AKR1E2: variants seen among roughly 807,000 people sequenced by gnomAD.
AKR1E2 encodes 1,5-anhydro-D-fructose reductase.
In AKR1E2, 43 loss-of-function variants were observed where a neutral mutation model predicts 41.9. The ratio of observed to expected loss-of-function variants is 1.03; its 90% confidence interval spans 0.80 to 1.32. The LOEUF (loss-of-function observed/expected upper bound fraction) is 1.32, where lower values mean the gene tolerates loss of function less well. Among genes scored for constraint, AKR1E2 ranks in the 40% most tolerant of loss-of-function variants. The pLI, the probability that AKR1E2 is intolerant of heterozygous loss-of-function variation, is 0.00. For missense variants in AKR1E2, 423 were observed against 396.5 expected, an observed-to-expected ratio of 1.07 and a Z score of -0.57; for synonymous variants, 121 against 138.9, an observed-to-expected ratio of 0.87 and a Z score of 0.91.
chr10:4,853,194 G>A, the AKR1E2 span, among the ~76,000 whole-genome samples: 1 of 152,068 alleles, frequency 6.6e-6, no homozygotes, highest in Non-Finnish European at 1.5e-5. Context: ...TACAAGATTG[G>A]CGTTGTTTTA....
chr10:4,829,533 C>G (rs1564253699), intron 1 of AKR1E2, among the ~76,000 whole-genome samples: 1 of 151,986 alleles, frequency 6.6e-6, no homozygotes, highest in African/African-American at 2.4e-5. Flanking sequence ...GTTTGAAAGT[C>G]TGTGTTAAAC....
the AKR1E2 span, among the ~76,000 whole-genome samples, chr10:4,860,457 C>T: frequency 3.9e-5 from 6 of 152,192 alleles, no homozygotes; most frequent in Admixed American, 2.0e-4. Flanking sequence ...TCTGAGGAAC[C>T]TTTATGACCA....
At chr10:4,863,982 C>CA in the AKR1E2 span, among the ~76,000 whole-genome samples, 81 of 151,892 alleles carry the variant, frequency 5.3e-4, no homozygotes, top group African/African-American at 1.9e-3. Context: ...GCTTACCAAC[C>CA]AAAAAAAGCC....
upstream of AKR1E2, chr10:4,824,993 G>A (rs1355478798): frequency 4.4e-6 from 2 of 455,582 alleles, no homozygotes; most frequent in Non-Finnish European, 4.4e-6. Context: ...GGCCCATGCA[G>A]GTCATTTTCA....
chr10:4,846,011 C>T (rs1588487464), intron 8 of AKR1E2: 1 of 388,496 alleles, frequency 2.6e-6, no homozygotes. Context: ...CCGGCCCGCC[C>T]CCTGTGGCCC....
At chr10:4,836,866 C>T (rs1415337934) in intron 4 of AKR1E2, among the ~76,000 whole-genome samples, 2 of 152,214 alleles carry the variant, frequency 1.3e-5, no homozygotes, top group African/African-American at 4.8e-5. Flanking sequence ...CTGCTGACTA[C>T]GGACCCTGGC....
chr10:4,837,378 AC>A (rs1181190135), intron 4 of AKR1E2, 80 bp from the exon 5 acceptor site: 1 of 1,520,992 alleles, frequency 6.6e-7, no homozygotes, highest in African/African-American at 1.4e-5. Context: ...GTTTTAGAAT[AC>A]CATACAGAAC....
At chr10:4,851,575 A>G (rs780766739), downstream of AKR1E2, among the ~76,000 whole-genome samples, 1 of 152,116 alleles carries the variant, frequency 6.6e-6, no homozygotes, top group South Asian at 2.1e-4. Flanking sequence ...TCCAACACCA[A>G]TCCCTCCCTA....
At chr10:4,843,990 G>T (rs1427853036) in intron 8 of AKR1E2, among the ~76,000 whole-genome samples, 2 of 152,214 alleles carry the variant, frequency 1.3e-5, no homozygotes, top group Admixed American at 6.5e-5. Context: ...CAGGTCTCTT[G>T]TAGTGGTTAG....
intron 8 of AKR1E2, chr10:4,845,739 A>G (rs1256990131): frequency 4.2e-6 from 2 of 470,940 alleles, no homozygotes; most frequent in Admixed American, 4.7e-5. Flanking sequence ...TGACACGGGG[A>G]CCTTGGGCCC....
chr10:4,829,328 A>G (rs1832785447), intron 1 of AKR1E2, among the ~76,000 whole-genome samples: 1 of 152,230 alleles, frequency 6.6e-6, no homozygotes, highest in Admixed American at 6.5e-5. Context: ...TATCTGAGAT[A>G]CACTCAACAT....
chr10:4,850,856 A>G (rs575139955), downstream of AKR1E2, among the ~76,000 whole-genome samples: 21 of 152,310 alleles, frequency 1.4e-4, no homozygotes, highest in Admixed American at 2.0e-4. Flanking sequence ...ACTTTAATCA[A>G]TGATAAAATT....
At chr10:4,855,607 C>G in the AKR1E2 span, among the ~76,000 whole-genome samples, 43 of 152,260 alleles carry the variant, frequency 2.8e-4, no homozygotes, top group Admixed American at 1.2e-3. Flanking sequence ...TTCTCTCTGT[C>G]TGTATTTGTA....
At chr10:4,856,891 G>C in the AKR1E2 span, among the ~76,000 whole-genome samples, 2 of 150,702 alleles carry the variant, frequency 1.3e-5, no homozygotes, top group Non-Finnish European at 3.0e-5. Context: ...CTACTGTTCG[G>C]TGGTATTAAG....
the AKR1E2 span, among the ~76,000 whole-genome samples, chr10:4,853,458 A>AAAAAAAAAAAC: frequency 6.8e-6 from 1 of 148,090 alleles, no homozygotes; most frequent in Non-Finnish European, 1.5e-5. Context: ...AAAAAAAAAA[A>AAAAAAAAAAAC]CCAAACTCTG....
At chr10:4,826,479 G>T (rs1832515348) in intron 1 of AKR1E2, 116 bp downstream of exon 1, 1 of 969,010 alleles carries the variant, frequency 1.0e-6, no homozygotes, top group East Asian at 3.3e-5. Context: ...CCCTCCGCCT[G>T]GCCGACGCCC....
Position 4,826,338 on chromosome 10 carries a change from C to T in AKR1E2, c.14C>T (p.Pro5Leu). The T allele has an allele frequency of 4.9e-6, 6 of 1,234,908 alleles. No individual in the cohort carries two copies. Among genetic ancestry groups the T allele is most frequent in the Non-Finnish European group, 5.1e-6 (5 of 987,536 alleles). 76.5% of individuals were successfully genotyped at this position (1,234,908 alleles called of 1,614,324 possible). The change falls in exon 1 of 10, where the codon CCA becomes CTA. Residue 5 changes from proline (P) to leucine (L), a missense_variant. Transcript: ENST00000298375. ...CCGGCGGCGGCCATGGGAGATATCC[C>T]AGCCGTGGGCCTCAGCTCCTGGAAG... is the stretch of plus-strand genomic sequence containing the variant. MGDI[P>L]AVGLSSWKAS... is the part of the protein sequence containing the mutation.
At chr10:4,830,332 A>G (rs1901645) in intron 1 of AKR1E2, among the ~76,000 whole-genome samples, 135,947 of 152,250 alleles carry the variant, frequency 0.89, 61,601 homozygotes, top group East Asian at 0.98. Flanking sequence ...GTATCTGAGT[A>G]TACAGGATAA....
Position 4,830,845 on chromosome 10 carries a change from A to C in AKR1E2, c.207+3A>C. The C allele has an allele frequency of 6.2e-7, 1 of 1,614,024 alleles. No homozygotes were observed. Among genetic ancestry groups the C allele is most frequent in the Non-Finnish European group, 8.5e-7 (1 of 1,179,940 alleles). ...AGGATCTGTTCATTGCCACTAAGGT[A>C]GGGCTTCTCTATGCAAGGCTGGCAG... On this transcript the variant is annotated splice_donor_region_variant and intron_variant, in intron 2 of 9. Coordinates refer to ENST00000298375, the MANE Select transcript of AKR1E2 (RefSeq NM_001040177.3).
Sources: gnomAD v4.1 joint callset for allele counts (sites outside exome capture counted in the v4.1 genomes callset) on GRCh38, gnomAD v4.1.1 for gene constraint, MANE v1.5 for transcripts, NCBI Gene and HGNC (gene_info 2026-07-23, HGNC 2026-07-21) for gene names.